The following ZNF704 variants were observed in gnomAD, a reference collection of about 807,000 sequenced individuals.
ZNF704 encodes zinc finger protein 704, also known as glucocorticoid induced gene 1.
ZNF704 carries 10 observed loss-of-function variants against 44.7 expected under a neutral mutation model. The ratio of observed to expected loss-of-function variants is 0.22; its 90% CI spans 0.14 to 0.38. The LOEUF (loss-of-function observed/expected upper bound fraction) is 0.38, where lower values mean the gene tolerates loss of function less well. Among genes scored for constraint, ZNF704 ranks in the 10% least tolerant of loss-of-function variants. ZNF704 has a pLI of 1.00. For missense variants in ZNF704, 390 were observed against 545.5 expected, an observed-to-expected ratio of 0.71 and a Z score of 2.84; for synonymous variants, 211 against 207.6, an observed-to-expected ratio of 1.02 and a Z score of -0.14.
At chr8:80,817,029 A>T (rs1183504425) in intron 2 of ZNF704, among the ~76,000 whole-genome samples, 1 of 152,148 alleles carries the variant, frequency 6.6e-6, no homozygotes, top group African/African-American at 2.4e-5. Context: ...AATTAATTAA[A>T]GAATTAATTT....
intron 1 of ZNF704, among the ~76,000 whole-genome samples, chr8:80,857,772 G>C (rs1478826490): frequency 6.6e-6 from 1 of 152,102 alleles, no homozygotes; most frequent in African/African-American, 2.4e-5. Flanking sequence ...TTTTTGTAAA[G>C]ATTTTTGTAA....
intron 7 of ZNF704, among the ~76,000 whole-genome samples, chr8:80,646,173 G>A (rs1817830912): frequency 6.6e-6 from 1 of 152,172 alleles, no homozygotes; most frequent in Non-Finnish European, 1.5e-5. Context: ...ACAAAACTTA[G>A]ACATTTAAAA....
At chr8:80,749,826 C>T (rs1806910882) in intron 2 of ZNF704, 1 of 148,330 alleles carries the variant, frequency 6.7e-6, no homozygotes, top group Admixed American at 6.8e-5. Context: ...AGCAGCAGGA[C>T]ATAGGCACCT....
At chr8:80,778,487 C>T (rs1050534435) in intron 2 of ZNF704, among the ~76,000 whole-genome samples, 1 of 152,120 alleles carries the variant, frequency 6.6e-6, no homozygotes, top group African/African-American at 2.4e-5. Context: ...ACCATTCAAC[C>T]CAGTAGTCCC....
intron 6 of ZNF704, among the ~76,000 whole-genome samples, chr8:80,660,120 TA>T (rs1818075806): frequency 6.6e-6 from 1 of 152,214 alleles, no homozygotes; most frequent in Non-Finnish European, 1.5e-5. Context: ...TATTCCACTC[TA>T]GGCATTCATT....
chr8:80,662,052 A>G (rs1282394272), intron 6 of ZNF704, among the ~76,000 whole-genome samples: 1 of 152,176 alleles, frequency 6.6e-6, no homozygotes, highest in African/African-American at 2.4e-5. Context: ...TGTTCTGTGT[A>G]CCCCACAAAT....
At chr8:80,739,352 T>C (rs1806718330) in intron 2 of ZNF704, among the ~76,000 whole-genome samples, 2 of 152,144 alleles carry the variant, frequency 1.3e-5, no homozygotes, top group South Asian at 4.1e-4. Context: ...AGCTAACTTA[T>C]GGAGAGGTGG....
At chr8:80,851,535 G>A (rs1446383272) in intron 1 of ZNF704, among the ~76,000 whole-genome samples, 2 of 148,128 alleles carry the variant, frequency 1.4e-5, no homozygotes, top group Non-Finnish European at 3.0e-5. Context: ...GAGAACACAT[G>A]GACACAGGAA....
At chr8:80,652,845 G>A (rs1817945387) in intron 7 of ZNF704, among the ~76,000 whole-genome samples, 1 of 152,130 alleles carries the variant, frequency 6.6e-6, no homozygotes, top group African/African-American at 2.4e-5. Flanking sequence ...TGATACCAAA[G>A]CCTGGCAGAG....
chr8:80,801,634 C>T (rs146260132), intron 2 of ZNF704, among the ~76,000 whole-genome samples: 2 of 152,224 alleles, frequency 1.3e-5, no homozygotes, highest in East Asian at 3.9e-4. Flanking sequence ...AAAGAGACAA[C>T]ACATCAGAAT....
Position 80,818,240 on chromosome 8 carries a change from G to A in ZNF704, c.221+3134C>T, listed in dbSNP as rs539496792. ...ATAAGCAAAAGATAAAGTGAGAAAC[G>A]TTACAGGGAACTGATTTTAAATGAT... On this transcript the variant is annotated intron_variant, in intron 2 of 8. Transcript: ENST00000327835. Among the ~76,000 whole-genome samples the A allele has an allele frequency of 3.3e-5, 5 of 152,204 alleles. No homozygotes were observed. The East Asian group carries it at 7.7e-4, about 23-fold the overall frequency.
the ZNF704 span, among the ~76,000 whole-genome samples, chr8:80,881,860 G>A: frequency 2.6e-5 from 4 of 152,190 alleles, no homozygotes; most frequent in Admixed American, 2.0e-4. Context: ...CCTGGGTGGT[G>A]GAGGTTGCAG....
chr8:80,696,485 T>C (rs1291785644), intron 2 of ZNF704, among the ~76,000 whole-genome samples: 4 of 152,226 alleles, frequency 2.6e-5, no homozygotes, highest in Non-Finnish European at 5.9e-5. Context: ...TGGTGTTATC[T>C]TGCCTCACTG....
In ZNF704 at chr8:80,661,273, T is replaced by C. The variant is rs148485133; in HGVS notation, c.928-1584A>G. 1.7e-3 allele frequency among the ~76,000 whole-genome samples: 260 copies of C among 152,250 alleles called. 1 individual carries two copies. The highest frequency in any genetic ancestry group is 5.1e-3 in the Admixed American group (78 of 15,294). ...GTCTCACCCTAGTTAGATTGGCTATTATTAAAAAGACAAAAAATAACAGAT... is the reference window on the plus strand; with the variant it reads ...GTCTCACCCTAGTTAGATTGGCTATCATTAAAAAGACAAAAAATAACAGAT... On this transcript the variant is annotated intron_variant, in intron 6 of 8. Coordinates refer to ENST00000327835, the MANE Select transcript of ZNF704 (RefSeq NM_001033723.3).
chr8:80,736,936 T>C (rs764491362), intron 2 of ZNF704, among the ~76,000 whole-genome samples: 8 of 141,276 alleles, frequency 5.7e-5, no homozygotes, highest in Non-Finnish European at 9.0e-5. Context: ...GGCCCTGGTG[T>C]TTTTTTTTTT....
At chr8:80,703,840 C>T (rs1221431264) in intron 2 of ZNF704, among the ~76,000 whole-genome samples, 2 of 152,138 alleles carry the variant, frequency 1.3e-5, no homozygotes, top group Non-Finnish European at 2.9e-5. Context: ...GTGACAGTCC[C>T]GGAGAAGTGG....
In ZNF704 at chr8:80,679,444, A is replaced by G. The variant is rs141207451; in HGVS notation, c.558+7782T>C. The stretch of plus-strand genomic sequence containing the variant: ...CTGCATGGGTCCAAGCCTGCCCAAG[A>G]AAGCCAAACCAAGCAAAGCTTCTGG... On this transcript the variant is annotated intron_variant, in intron 4 of 8. Coordinates refer to ENST00000327835, the MANE Select transcript of ZNF704 (RefSeq NM_001033723.3). 1.1e-3 allele frequency among the ~76,000 whole-genome samples: 172 copies of G among 152,336 alleles called. 1 individual carries two copies. Among genetic ancestry groups the G allele is most frequent in the South Asian group, 6.6e-3 (32 of 4,824 alleles).
chr8:80,696,308 C>G (rs1236007744), intron 2 of ZNF704, among the ~76,000 whole-genome samples: 1 of 152,168 alleles, frequency 6.6e-6, no homozygotes, highest in Non-Finnish European at 1.5e-5. Context: ...TTAATCTTTC[C>G]TCCAGCCATA....
At chr8:80,679,659 G>A (rs1427542204) in intron 4 of ZNF704, among the ~76,000 whole-genome samples, 1 of 152,184 alleles carries the variant, frequency 6.6e-6, no homozygotes, top group Non-Finnish European at 1.5e-5. Context: ...TAACAGAATG[G>A]TCTTCTTCAT....
Sources: allele counts gnomAD v4.1 joint callset (sites outside exome capture counted in the v4.1 genomes callset), GRCh38; gene constraint gnomAD v4.1.1; transcripts MANE v1.5; gene names NCBI Gene and HGNC (gene_info 2026-07-23, HGNC 2026-07-21).